RAD9B: variants seen among roughly 807,000 people sequenced by gnomAD.
The protein encoded by RAD9B is RAD9 checkpoint clamp component B.
RAD9B carries 41 observed loss-of-function variants against 48.3 expected under a neutral mutation model. The ratio of observed to expected loss-of-function variants is 0.85; its 90% CI spans 0.66 to 1.10. The LOEUF (loss-of-function observed/expected upper bound fraction) is 1.10, where lower values mean the gene tolerates loss of function less well. Ranked by LOEUF, RAD9B falls within the 50% of genes least tolerant of loss-of-function variation. The pLI, the probability that RAD9B is intolerant of heterozygous loss-of-function variation, is 0.00. For missense variants in RAD9B, 444 were observed against 485.1 expected (o/e 0.92, Z 0.80); for synonymous variants, 160 against 157.9 (o/e 1.01, Z -0.10).
At chr12:110,503,585 C>G (rs1267557820) in intron 1 of RAD9B, 4 of 503,546 alleles carry the variant, frequency 7.9e-6, no homozygotes, top group Non-Finnish European at 1.4e-5. Flanking sequence ...AAATTTCGGT[C>G]AATTTTATCA....
chr12:110,513,111 G>A (rs576534830), intron 5 of RAD9B, among the ~76,000 whole-genome samples: 6 of 151,906 alleles, frequency 3.9e-5, no homozygotes, highest in South Asian at 2.1e-4. Context: ...GACTACAGGC[G>A]CCCACCGCCA....
chr12:110,521,400 TG>T (rs1332258687), intron 9 of RAD9B, among the ~76,000 whole-genome samples: 4 of 152,018 alleles, frequency 2.6e-5, no homozygotes, highest in Admixed American at 2.0e-4. Context: ...GCAGTCTACC[TG>T]CCTCGGCCTC....
rs563142092 is a variant in RAD9B at position 110,530,534 on chromosome 12, A to T, written c.1135A>T (p.Met379Leu). The change falls in exon 11 of 11, where the codon ATG becomes TTG. Residue 379 changes from methionine (M) to leucine (L), a missense_variant. Physicochemically the swap from Met to Leu is conservative, Grantham distance 15. Coordinates refer to ENST00000409300, the MANE Select transcript of RAD9B (RefSeq NM_001286535.2). ...GSLCLRKFSC[M>L]FFGAVSSDQQ... is the part of the protein sequence containing the mutation. ...CCTTTTTTCCCTCCAGTTTTCTTGC[A>T]TGTTCTTTGGAGCAGTTTCTTCTGA... The T allele has an allele frequency of 6.2e-7, 1 of 1,613,746 alleles. No homozygotes were observed. The highest frequency in any genetic ancestry group is 1.3e-5 in the African/African-American group (1 of 75,026).
chr12:110,511,081 G>A (rs1444532375), intron 4 of RAD9B, among the ~76,000 whole-genome samples: 1 of 152,172 alleles, frequency 6.6e-6, no homozygotes, highest in East Asian at 1.9e-4. Flanking sequence ...ATCAGTCCTG[G>A]ATGGAGGGTA....
chr12:110,509,048 T>C (rs963404768), intron 4 of RAD9B, among the ~76,000 whole-genome samples: 1 of 152,130 alleles, frequency 6.6e-6, no homozygotes, highest in African/African-American at 2.4e-5. Context: ...CACTGCAAGC[T>C]CCGCCTCCTG....
At chr12:110,529,557 C>A (rs919768059) in intron 10 of RAD9B, among the ~76,000 whole-genome samples, 1 of 151,854 alleles carries the variant, frequency 6.6e-6, no homozygotes, top group African/African-American at 2.4e-5. Context: ...TTGAGACCAG[C>A]CTGGGCCACG....
At chr12:110,511,805 A>G (rs1264629688) in intron 4 of RAD9B, among the ~76,000 whole-genome samples, 4 of 152,190 alleles carry the variant, frequency 2.6e-5, no homozygotes, top group Non-Finnish European at 5.9e-5. Flanking sequence ...ATAATTACAC[A>G]GTCTGTGCAT....
At chr12:110,511,635 A>T (rs2063462966) in intron 4 of RAD9B, 1 of 256,846 alleles carries the variant, frequency 3.9e-6, no homozygotes, top group African/African-American at 2.2e-5. Flanking sequence ...GTTAGGTAGA[A>T]GGAATAAGTT....
At chr12:110,520,895 C>T (rs750652055) in intron 9 of RAD9B, among the ~76,000 whole-genome samples, 7 of 150,264 alleles carry the variant, frequency 4.7e-5, no homozygotes, top group South Asian at 4.3e-4. Context: ...GTGATCTGCC[C>T]GCCTCAGCCT....
In RAD9B at chr12:110,531,816, G is replaced by A. The variant is rs1414966252; in HGVS notation, c.*1163G>A. The A allele has an allele frequency of 2.7e-5, 15 of 548,152 alleles. No individual in the cohort carries two copies. In the East Asian group the frequency reaches 4.9e-4, roughly 18 times the overall value. The allele number at this position is 548,152 out of a possible 1,614,324, so 34.0% of individuals were successfully genotyped here. Reference sequence around the variant, plus strand: ...GTGTGCCTCTCCCTCCCCCAAACCTGTTTACAGTCAATTATAACCTGACAA... The same window carrying A: ...GTGTGCCTCTCCCTCCCCCAAACCTATTTACAGTCAATTATAACCTGACAA... On this transcript the variant is annotated 3_prime_UTR_variant, in exon 11 of 11. Coordinates refer to ENST00000409300, the MANE Select transcript of RAD9B (RefSeq NM_001286535.2).
Position 110,531,550 on chromosome 12 carries a change from C to CAA in RAD9B, c.*898_*899insAA. 6.8e-7 allele frequency: 1 copy of CAA among 1,471,738 alleles called. No individual in the cohort carries two copies. The highest frequency in any genetic ancestry group is 9.5e-7 in the Non-Finnish European group (1 of 1,055,426). 91.2% of individuals were successfully genotyped at this position (1,471,738 alleles called of 1,614,324 possible). Reference sequence around the variant, plus strand: ...CCTAACCTCAAATTGTTCTGATTTTCAGATGTGATTTTTTATTTTGCAGTG... The same window carrying CAA: ...CCTAACCTCAAATTGTTCTGATTTTCAAAGATGTGATTTTTTATTTTGCAGTG... On this transcript the variant is annotated 3_prime_UTR_variant, in exon 11 of 11. Transcript: ENST00000409300.
In RAD9B at chr12:110,515,189, G is replaced by A. The variant is rs1565888590; in HGVS notation, c.595+33G>A. On this transcript the variant is annotated intron_variant, in intron 6 of 10. Transcript: ENST00000409300. ...TTGTATCTGAAATGGTGTTTTGATG[G>A]GTTATTACTTCCTGTCTCTCGATTA... is the stretch of plus-strand genomic sequence containing the variant. The A allele has an allele frequency of 5.5e-6, 6 of 1,086,976 alleles. 1 individual carries two copies. The highest frequency in any genetic ancestry group is 6.9e-6 in the Non-Finnish European group (5 of 729,778). 67.3% of individuals were successfully genotyped at this position (1,086,976 alleles called of 1,614,324 possible). A position where few individuals can be genotyped will look rare whatever the true frequency, so the allele number is the denominator to read the frequency against.
chr12:110,533,080 A>G lies in RAD9B; in HGVS notation c.*2427A>G, dbSNP rs1455990345. ...ATTTTGATGAATTTCTGAGGAAGCT[A>G]AACTGATGTAGTGAAGCAGCTGGAG... is the stretch of plus-strand genomic sequence containing the variant. On this transcript the variant is annotated 3_prime_UTR_variant, in exon 11 of 11. Transcript: ENST00000409300. Among the ~76,000 whole-genome samples, 1 of 152,214 alleles carries G rather than the reference A, an allele frequency of 6.6e-6. No individual in the cohort carries two copies. Among genetic ancestry groups the G allele is most frequent in the Non-Finnish European group, 1.5e-5 (1 of 68,032 alleles).
intron 5 of RAD9B, among the ~76,000 whole-genome samples, chr12:110,513,692 ATATTATTATTATTAT>A (rs147828355): frequency 0.032 from 4,489 of 140,554 alleles, 150 homozygotes; most frequent in African/African-American, 0.085. Flanking sequence ...TATTGTTTTT[ATATTATTATTATTAT>A]TATTATTATT....
At chr12:110,511,607 A>G (rs567498256) in intron 4 of RAD9B, 1 of 313,560 alleles carries the variant, frequency 3.2e-6, no homozygotes, top group South Asian at 2.5e-5. Flanking sequence ...GAGGTTGGTC[A>G]GTAGGTACAA....
rs554320541 is a variant in RAD9B, at chr12:110,520,857, G to T, written c.890+941G>T. Among the ~76,000 whole-genome samples the T allele has an allele frequency of 2.0e-5, 3 of 150,690 alleles. No individual in the cohort carries two copies. In the South Asian group the frequency reaches 6.3e-4, roughly 32 times the overall value. ...GTAGAGACGGGGTTTCACTATGTTG[G>T]TCAGGCTGGTCTCGAACTCCTGACC... On this transcript the variant is annotated intron_variant, in intron 9 of 10. Transcript: ENST00000409300.
Position 110,506,710 on chromosome 12 carries a change from G to A in RAD9B, c.388+17G>A. ...ACAGACATGGTAGGTATAATTAAAAGTGGTTTAAAATACTATGTTTTTTTC... is the reference window on the plus strand; with the variant it reads ...ACAGACATGGTAGGTATAATTAAAAATGGTTTAAAATACTATGTTTTTTTC... On this transcript the variant is annotated intron_variant, in intron 4 of 10. Coordinates refer to ENST00000409300, the MANE Select transcript of RAD9B (RefSeq NM_001286535.2). 2.4e-6 allele frequency: 3 copies of A among 1,259,904 alleles called. No individual in the cohort carries two copies. Among genetic ancestry groups the A allele is most frequent in the Non-Finnish European group, 3.5e-6 (3 of 868,696 alleles). The allele number at this position is 1,259,904 out of a possible 1,614,324, so 78.0% of individuals were successfully genotyped here. A position where few individuals can be genotyped will look rare whatever the true frequency, so the allele number is the denominator to read the frequency against.
intron 1 of RAD9B, chr12:110,502,803 GGGGC>G: frequency 6.1e-6 from 1 of 164,220 alleles, no homozygotes; most frequent in Non-Finnish European, 1.3e-5. Context: ...AAATCTCTTT[GGGGC>G]TCAGTTTCTA....
Position 110,512,778 on chromosome 12 carries a change from G to A in RAD9B, c.389-1G>A. 8.4e-7 allele frequency: 1 copy of A among 1,190,476 alleles called. No individual in the cohort carries two copies. Among genetic ancestry groups the A allele is most frequent in the Non-Finnish European group, 1.2e-6 (1 of 833,592 alleles). 73.7% of individuals were successfully genotyped at this position (1,190,476 alleles called of 1,614,324 possible). ...TAAGAGGTGGCTTTATTCTTTTTAA[G>A]GTATTAAAAGAACTCATAATATATG... On this transcript the variant is annotated splice_acceptor_variant, in intron 4 of 10. Coordinates refer to ENST00000409300, the MANE Select transcript of RAD9B (RefSeq NM_001286535.2). LOFTEE classifies it high-confidence loss of function.
Sources: allele counts gnomAD v4.1 joint callset (sites outside exome capture counted in the v4.1 genomes callset), GRCh38; gene constraint gnomAD v4.1.1; transcripts MANE v1.5; gene names NCBI Gene and HGNC (gene_info 2026-07-23, HGNC 2026-07-21).